The following MAST4 variants were observed in gnomAD, a reference collection of about 807,000 sequenced individuals.
MAST4 encodes microtubule-associated serine/threonine-protein kinase 4.
A neutral mutation model predicts 162.7 loss-of-function variants in MAST4; 89 were observed. The ratio of observed to expected loss-of-function variants is 0.55; its 90% CI spans 0.46 to 0.65. The LOEUF (loss-of-function observed/expected upper bound fraction) is 0.65, where lower values mean the gene tolerates loss of function less well. Ranked by LOEUF, MAST4 falls within the 30% of genes least tolerant of loss-of-function variation. The probability of loss-of-function intolerance (pLI) is 0.00; values close to 1 mark genes in which losing one functional copy is unlikely to be tolerated. For missense variants in MAST4, 3,153 were observed against 3,374.0 expected (o/e 0.93, Z 1.62); for synonymous variants, 1,479 against 1,361.1 (o/e 1.09, Z -1.91).
chr5:67,032,192 G>C (rs1233614942), intron 4 of MAST4, among the ~76,000 whole-genome samples: 1 of 152,068 alleles, frequency 6.6e-6, no homozygotes, highest in South Asian at 2.1e-4. Context: ...GAAAAAATCT[G>C]ACTTTGTTAC....
chr5:66,814,255 G>A (rs1176957986), intron 3 of MAST4, among the ~76,000 whole-genome samples: 1 of 152,198 alleles, frequency 6.6e-6, no homozygotes, highest in African/African-American at 2.4e-5. Flanking sequence ...GAAAAATAAA[G>A]AATTGCTCAC....
At chr5:66,989,422 G>A (rs1313753610) in intron 4 of MAST4, among the ~76,000 whole-genome samples, 2 of 152,188 alleles carry the variant, frequency 1.3e-5, no homozygotes, top group Non-Finnish European at 2.9e-5. Context: ...TTGATGAGTT[G>A]AAGTTTTCAC....
rs1415618377 is a variant in MAST4, at chr5:67,165,005, G to A, written c.5826G>A (p.Gly1942=). Reference sequence around the variant, plus strand: ...ACCCCAAGCTTCTGACCTGCCTGGGGCAGAACCTCCACAGCCCTGACCTGG... The same window carrying A: ...ACCCCAAGCTTCTGACCTGCCTGGGACAGAACCTCCACAGCCCTGACCTGG... ...TTDPKLLTCL[G]QNLHSPDLAR... Residue 1942 remains glycine, a synonymous_variant, in exon 29 of 29, where the codon GGG becomes GGA. Transcript: ENST00000403625. The A allele has an allele frequency of 6.2e-7, 1 of 1,613,548 alleles. No individual in the cohort carries two copies. Among genetic ancestry groups the A allele is most frequent in the South Asian group, 1.1e-5 (1 of 91,000 alleles).
chr5:66,652,360 G>T (rs1244477919), intron 1 of MAST4, among the ~76,000 whole-genome samples: 1 of 152,216 alleles, frequency 6.6e-6, no homozygotes, highest in East Asian at 1.9e-4. Flanking sequence ...AATGTAATAA[G>T]TATTTCATAA....
chr5:66,883,964 A>G (rs1471795143), intron 3 of MAST4, among the ~76,000 whole-genome samples: 1 of 152,172 alleles, frequency 6.6e-6, no homozygotes, highest in East Asian at 1.9e-4. Context: ...ATTGAATTAC[A>G]TCGTAAGCCA....
intron 4 of MAST4, among the ~76,000 whole-genome samples, chr5:66,963,414 CTTT>C (rs1484321539): frequency 1.3e-5 from 2 of 152,252 alleles, no homozygotes; most frequent in African/African-American, 4.8e-5. Context: ...ACTGGATTTT[CTTT>C]GATGCAAAAA....
chr5:66,740,169 G>A (rs1370940845), intron 1 of MAST4, among the ~76,000 whole-genome samples: 1 of 152,146 alleles, frequency 6.6e-6, no homozygotes, highest in South Asian at 2.1e-4. Context: ...AAGTCGAAAG[G>A]CCATCTCATC....
At chr5:66,908,124 AAG>A (rs1763509734) in intron 4 of MAST4, among the ~76,000 whole-genome samples, 2 of 152,352 alleles carry the variant, frequency 1.3e-5, no homozygotes, top group Admixed American at 1.3e-4. Context: ...CCTGAGAGTA[AAG>A]AGAGGATTTC....
chr5:67,139,263 T>C (rs1770075972), intron 19 of MAST4, among the ~76,000 whole-genome samples: 1 of 152,314 alleles, frequency 6.6e-6, no homozygotes, highest in African/African-American at 2.4e-5. Context: ...GGCAAAATAA[T>C]GCACCGTGAA....
In MAST4 at chr5:66,711,950, A is replaced by T. The variant is rs543461235; in HGVS notation, c.364-47759A>T. On this transcript the variant is annotated intron_variant, in intron 1 of 28. Transcript: ENST00000403625. The stretch of plus-strand genomic sequence containing the variant: ...TCACACCTGTAAAGTCTCTTGGCAC[A>T]TAGAATAACGTTCACCAGTTCAGGA... Among the ~76,000 whole-genome samples the T allele has an allele frequency of 9.2e-5, 14 of 152,316 alleles. 1 individual carries two copies. In the South Asian group the frequency reaches 2.9e-3, roughly 32 times the overall value.
Position 67,164,306 on chromosome 5 carries a change from G to T in MAST4, c.5127G>T (p.Lys1709Asn). 6.2e-7 allele frequency: 1 copy of T among 1,614,036 alleles called. No homozygotes were observed. The highest frequency in any genetic ancestry group is 1.1e-5 in the South Asian group (1 of 91,076). ...EDNLCPVLKP[K>N]MTAGSHECLP... ...ACCTCTGCCCTGTGCTGAAGCCCAA[G>T]ATGACAGCTGGCTCCCACGAATGCC... The change falls in exon 29 of 29, where the codon AAG becomes AAT. Residue 1709 changes from lysine (K) to asparagine (N), a missense_variant. Lys to Asn is a moderately conservative substitution (Grantham distance 94, BLOSUM62 0). Coordinates refer to ENST00000403625, the MANE Select transcript of MAST4 (RefSeq NM_001164664.2). This position sits in a 1 kb window ranked among gnomAD's most constrained non-coding sequence, Gnocchi z 5.3.
chr5:67,004,695 A>C (rs1470859545), intron 4 of MAST4: 1 of 311,502 alleles, frequency 3.2e-6, no homozygotes. Flanking sequence ...AACTCATGTA[A>C]TTACTGTTTA....
At chr5:66,731,851 A>G (rs1009993898) in intron 1 of MAST4, among the ~76,000 whole-genome samples, 1 of 151,988 alleles carries the variant, frequency 6.6e-6, no homozygotes, top group Non-Finnish European at 1.5e-5. Context: ...GTGCAAGAAC[A>G]AATTTCCTGT....
chr5:66,705,788 A>G (rs1281040300), intron 1 of MAST4, among the ~76,000 whole-genome samples: 1 of 152,230 alleles, frequency 6.6e-6, no homozygotes, highest in African/African-American at 2.4e-5. Context: ...ATAAATTCAA[A>G]ACCCTTTTGC....
intron 4 of MAST4, among the ~76,000 whole-genome samples, chr5:66,911,711 G>T (rs9688014): frequency 0.033 from 4,989 of 152,012 alleles, 151 homozygotes; most frequent in African/African-American, 0.076. Context: ...TTTAGCCTGG[G>T]CAACAGAGTG....
At chr5:67,041,564 G>A (rs1195302015) in intron 4 of MAST4, among the ~76,000 whole-genome samples, 1 of 152,174 alleles carries the variant, frequency 6.6e-6, no homozygotes, top group Non-Finnish European at 1.5e-5. Context: ...CTGTGTGCCA[G>A]CACTATCATA....
Position 67,165,566 on chromosome 5 carries a change from T to G in MAST4, c.6387T>G (p.His2129Gln). 1 of 1,613,922 alleles carries G rather than the reference T, an allele frequency of 6.2e-7. No homozygotes were observed. The highest frequency in any genetic ancestry group is 8.5e-7 in the Non-Finnish European group (1 of 1,179,858). The change falls in exon 29 of 29, where the codon CAT becomes CAG. Residue 2129 changes from histidine (H) to glutamine (Q), a missense_variant. By Grantham distance (24) the His-to-Gln change is conservative. Transcript: ENST00000403625. Reference protein sequence around the residue: ...PERKEQPLQRHPSSIPPPPLT... With the variant: ...PERKEQPLQRQPSSIPPPPLT... ...GGAAGGAGCAGCCTCTACAAAGGCA[T>G]CCCAGCAGCATCCCTCCGCCCCCTC...
At chr5:66,902,187 C>G (rs1306878978) in intron 4 of MAST4, among the ~76,000 whole-genome samples, 8 of 152,138 alleles carry the variant, frequency 5.3e-5, no homozygotes, top group Non-Finnish European at 1.2e-4. Flanking sequence ...TAACAGTAAG[C>G]AACTGCACAT....
intron 3 of MAST4, among the ~76,000 whole-genome samples, chr5:66,830,389 A>G (rs1195993996): frequency 6.6e-6 from 1 of 152,194 alleles, no homozygotes; most frequent in East Asian, 1.9e-4. Flanking sequence ...TAAAGGAATC[A>G]TTATTTTTCA....
Sources: allele counts gnomAD v4.1 joint callset (sites outside exome capture counted in the v4.1 genomes callset), GRCh38; gene constraint gnomAD v4.1.1; non-coding constraint Gnocchi (gnomAD v3.1); transcripts MANE v1.5; gene names NCBI Gene and HGNC (gene_info 2026-07-23, HGNC 2026-07-21).